The following APLF variants were observed in gnomAD, a reference collection of about 807,000 sequenced individuals.
The protein encoded by APLF is aprataxin and PNK-like factor.
Under a neutral mutation model 55.6 loss-of-function variants are expected in APLF, and 61 were observed. The ratio of observed to expected loss-of-function variants is 1.10; its 90% confidence interval spans 0.89 to 1.36. The LOEUF (loss-of-function observed/expected upper bound fraction) is 1.36. Among genes scored for constraint, APLF ranks in the 40% most tolerant of loss-of-function variants. The pLI is 0.00. For synonymous variants in APLF, 207 were observed against 214.8 expected, an observed-to-expected ratio of 0.96 and a Z score of 0.32; for missense variants, 611 against 602.5, an observed-to-expected ratio of 1.01 and a Z score of -0.15.
chr2:68,568,251 A>G, intron 9 of APLF: 1 of 985,236 alleles, frequency 1.0e-6, no homozygotes, highest in African/African-American at 1.7e-5. Context: ...GATTCAGCGC[A>G]TAATATTTCT....
chr2:68,486,277 A>T (rs899754305), intron 1 of APLF, among the ~76,000 whole-genome samples: 7 of 152,012 alleles, frequency 4.6e-5, no homozygotes, highest in African/African-American at 1.7e-4. Flanking sequence ...TGGTATTTTG[A>T]AGCCAAAATC....
rs1558546738 is a variant in APLF at position 68,538,097 on chromosome 2, C to CATTCTGAGTCCAGCTCTAATCCCTCCAA, written c.1031_1058dup (p.Asn353LysfsTer3). On this transcript the variant is annotated frameshift_variant, in exon 7 of 10. Transcript: ENST00000303795. LOFTEE classifies it high-confidence loss of function. The stretch of plus-strand genomic sequence containing the variant: ...ACTTCAGGATGAGTCTCAAGGGTCT[C>CATTCTGAGTCCAGCTCTAATCCCTCCAA]ATTCTGAGTCCAGCTCTAATCCCTC... 1.4e-5 allele frequency: 23 copies of CATTCTGAGTCCAGCTCTAATCCCTCCAA among 1,614,124 alleles called. No individual in the cohort carries two copies. Among genetic ancestry groups the CATTCTGAGTCCAGCTCTAATCCCTCCAA allele is most frequent in the Non-Finnish European group, 1.9e-5 (22 of 1,180,002 alleles).
chr2:68,499,606 G>A (rs4854434), intron 2 of APLF, among the ~76,000 whole-genome samples: 110,389 of 152,064 alleles, frequency 0.73, 40,689 homozygotes, highest in African/African-American at 0.84. Context: ...TGGGAGGCCA[G>A]GGCAGGTGGA....
intron 2 of APLF, among the ~76,000 whole-genome samples, chr2:68,492,590 G>C (rs567837471): frequency 1.4e-4 from 21 of 152,116 alleles, no homozygotes; most frequent in Non-Finnish European, 2.9e-4. Flanking sequence ...AGTATGTACT[G>C]AGCCAAATTT....
At chr2:68,478,181 GA>G (rs1675837936) in intron 1 of APLF, among the ~76,000 whole-genome samples, 1 of 151,456 alleles carries the variant, frequency 6.6e-6, no homozygotes, top group Non-Finnish European at 1.5e-5. Flanking sequence ...AAAAAGAAAA[GA>G]AAAATTACAA....
chr2:68,577,726 C>G, intron 9 of APLF, 94 bp from the exon 10 acceptor site: 1 of 1,443,592 alleles, frequency 6.9e-7, no homozygotes, highest in Non-Finnish European at 9.4e-7. Flanking sequence ...TAAAATTAAT[C>G]CTCTGGATGC....
Position 68,554,732 on chromosome 2 carries a change from T to G in APLF, c.1286+9420T>G, listed in dbSNP as rs181460799. On this transcript the variant is annotated intron_variant, in intron 8 of 9. Coordinates refer to ENST00000303795, the MANE Select transcript of APLF (RefSeq NM_173545.3). ...TTGGTGTATAGAAGAGCTACTGATT[T>G]GTGTACATTGATTTTGTATCCGGAA... 1.4e-4 allele frequency among the ~76,000 whole-genome samples: 22 copies of G among 152,168 alleles called. 1 individual carries two copies. In the East Asian group the frequency reaches 4.2e-3, roughly 29 times the overall value.
chr2:68,516,700 T>G (rs146249125), intron 5 of APLF, among the ~76,000 whole-genome samples: 369 of 150,096 alleles, frequency 2.5e-3, no homozygotes, highest in African/African-American at 8.7e-3. Flanking sequence ...TGGTTTTTCA[T>G]TCCTGAGTTA....
At chr2:68,549,085 T>C (rs1437612437) in intron 8 of APLF, among the ~76,000 whole-genome samples, 1 of 152,060 alleles carries the variant, frequency 6.6e-6, no homozygotes, top group East Asian at 1.9e-4. Flanking sequence ...GTCATTTTTT[T>C]TAACAGTTTA....
At chr2:68,541,195 A>G (rs148773628) in intron 7 of APLF, among the ~76,000 whole-genome samples, 1,771 of 152,298 alleles carry the variant, frequency 0.012, 23 homozygotes, top group Admixed American at 0.033. Flanking sequence ...GTAGCAGAGG[A>G]TAACATAGAA....
chr2:68,481,054 G>A (rs1412815019), intron 1 of APLF, among the ~76,000 whole-genome samples: 3 of 152,062 alleles, frequency 2.0e-5, no homozygotes, highest in Non-Finnish European at 4.4e-5. Flanking sequence ...TGTTCATCAG[G>A]GATGTTGACT....
intron 3 of APLF, among the ~76,000 whole-genome samples, chr2:68,504,279 G>T (rs577201957): frequency 2.4e-4 from 36 of 151,690 alleles, no homozygotes; most frequent in Non-Finnish European, 4.3e-4. Context: ...AAAAATAAAA[G>T]AAGATATACT....
rs117613021 is a variant in APLF at position 68,558,304 on chromosome 2, A to T, written c.1287-9037A>T. On this transcript the variant is annotated intron_variant, in intron 8 of 9. Transcript: ENST00000303795. ...AATTTTCAGAGTTATTTTGGCATAC[A>T]TAGTAAATTGTAGTAATTATCAGGT... Among the ~76,000 whole-genome samples the T allele has an allele frequency of 1.3e-5, 2 of 152,172 alleles. 1 individual carries two copies. The highest frequency in any genetic ancestry group is 2.9e-5 in the Non-Finnish European group (2 of 68,032).
chr2:68,523,723 A>G (rs891550342), intron 5 of APLF, among the ~76,000 whole-genome samples: 1 of 151,918 alleles, frequency 6.6e-6, no homozygotes, highest in African/African-American at 2.4e-5. Context: ...TTGTATTAAT[A>G]GTTAATTTCT....
chr2:68,483,812 T>C (rs1053645187), intron 1 of APLF, among the ~76,000 whole-genome samples: 17 of 152,282 alleles, frequency 1.1e-4, no homozygotes, highest in Middle Eastern at 3.4e-3. Flanking sequence ...TCTGTTCTTA[T>C]ATGTACAGGA....
intron 2 of APLF, among the ~76,000 whole-genome samples, chr2:68,502,327 A>C (rs561801131): frequency 6.6e-6 from 1 of 152,262 alleles, no homozygotes; most frequent in African/African-American, 2.4e-5. Flanking sequence ...GAAACTAGCC[A>C]TTGTCAGGAA....
intron 2 of APLF, among the ~76,000 whole-genome samples, chr2:68,492,294 C>T (rs980928070): frequency 2.0e-5 from 3 of 151,904 alleles, no homozygotes; most frequent in East Asian, 1.9e-4. Flanking sequence ...CTGGCTAACA[C>T]GGTGAAACGC....
Position 68,536,212 on chromosome 2 carries a change from T to C in APLF, c.805-1660T>C, listed in dbSNP as rs894393117. Among the ~76,000 whole-genome samples the C allele has an allele frequency of 5.3e-5, 8 of 152,140 alleles. No homozygotes were observed. In the South Asian group the frequency reaches 8.3e-4, roughly 16 times the overall value. ...AAAGAGCGTATGTTTTAGAGAGACA[T>C]GACATGAATGTTGCCAGTGTAGCCA... On this transcript the variant is annotated intron_variant, in intron 6 of 9. Transcript: ENST00000303795.
chr2:68,548,078 C>T (rs183424106), intron 8 of APLF, among the ~76,000 whole-genome samples: 6 of 151,882 alleles, frequency 4.0e-5, no homozygotes, highest in Non-Finnish European at 4.4e-5. Flanking sequence ...CAAAACTCTG[C>T]AGTCATCTGA....
Sources: gnomAD v4.1 joint callset for allele counts (sites outside exome capture counted in the v4.1 genomes callset) on GRCh38, gnomAD v4.1.1 for gene constraint, MANE v1.5 for transcripts, NCBI Gene and HGNC (gene_info 2026-07-23, HGNC 2026-07-21) for gene names.